Variants in C6orf132 observed in about 807,000 individuals in gnomAD.
The protein encoded by C6orf132 is uncharacterized protein C6orf132.
C6orf132 carries 43 observed loss-of-function variants against 65.3 expected under a neutral mutation model. The ratio of observed to expected loss-of-function variants is 0.66; its 90% CI spans 0.52 to 0.85. The LOEUF (loss-of-function observed/expected upper bound fraction) is 0.85, where lower values mean the gene tolerates loss of function less well. C6orf132 is among the 40% of genes least tolerant of loss of function. C6orf132 has a pLI of 0.00. For missense variants in C6orf132, 1,488 were observed against 1,548.8 expected (o/e 0.96, Z 0.66); for synonymous variants, 631 against 654.1 (o/e 0.96, Z 0.54).
At position 42,107,418 on chromosome 6, in the gene C6orf132, G is replaced by T; in HGVS notation, c.494C>A (p.Ser165Tyr). ...TGGTGGGGGTGCTGTGGAAGGTGGA[G>T]ATGGCAGTGGCGACCCCCCTGGAGG... ...SEPPGGSPLP[S>Y]PPSTAPPPPP... The change falls in exon 4 of 5, where the codon TCT becomes TAT. Residue 165 changes from serine to tyrosine, a missense_variant. Transcript: ENST00000341865. The T allele has an allele frequency of 6.7e-7, 1 of 1,497,928 alleles. No homozygotes were observed. Among genetic ancestry groups the T allele is most frequent in the Non-Finnish European group, 9.0e-7 (1 of 1,113,318 alleles). The allele number at this position is 1,497,928 out of a possible 1,614,324, so 92.8% of individuals were successfully genotyped here. A position where few individuals can be genotyped will look rare whatever the true frequency, so the allele number is the denominator to read the frequency against.
intron 1 of C6orf132, among the ~76,000 whole-genome samples, chr6:42,131,579 G>A (rs540991610): frequency 3.3e-5 from 5 of 152,308 alleles, no homozygotes; most frequent in African/African-American, 4.8e-5. Context: ...CACCATGTAC[G>A]GGGGTGAGGA....
rs554685618 is a variant in C6orf132, at chr6:42,138,149, T to A, written c.145+4151A>T. On this transcript the variant is annotated intron_variant, in intron 1 of 4. Coordinates refer to ENST00000341865, the MANE Select transcript of C6orf132 (RefSeq NM_001164446.3). Reference sequence around the variant, plus strand: ...AGGAATTTGAAATTAATTAAATTAATTTTTTTGGGTGGGGGAGGACAGGAT... The same window carrying A: ...AGGAATTTGAAATTAATTAAATTAAATTTTTTGGGTGGGGGAGGACAGGAT... Among the ~76,000 whole-genome samples the A allele has an allele frequency of 2.4e-4, 37 of 151,930 alleles. No homozygotes were observed. In the East Asian group the frequency reaches 7.4e-3, roughly 30 times the overall value.
intron 3 of C6orf132, among the ~76,000 whole-genome samples, chr6:42,108,450 G>A (rs1382229890): frequency 6.6e-6 from 1 of 152,164 alleles, no homozygotes; most frequent in African/African-American, 2.4e-5. Context: ...TGTGAGACAG[G>A]GAAGGTGGGA....
rs549244297 is a variant in C6orf132 at position 42,102,210 on chromosome 6, C to T, written c.*1551G>A. The T allele has an allele frequency of 6.7e-6, 1 of 148,330 alleles. No homozygotes were observed. Among genetic ancestry groups the T allele is most frequent in the Non-Finnish European group, 1.5e-5 (1 of 67,522 alleles). 9.2% of individuals were successfully genotyped at this position (148,330 alleles called of 1,614,324 possible). On this transcript the variant is annotated 3_prime_UTR_variant, in exon 5 of 5. Transcript: ENST00000341865. ...ACACGTGGTCACCCTACTGATAGGTCTCCCCTGCTCCTTTTTTTTTTTTTT... is the reference window on the plus strand; with the variant it reads ...ACACGTGGTCACCCTACTGATAGGTTTCCCCTGCTCCTTTTTTTTTTTTTT...
Position 42,104,312 on chromosome 6 carries a change from C to A in C6orf132, c.3449+151G>T, listed in dbSNP as rs930672918. 8.3e-7 allele frequency: 1 copy of A among 1,199,222 alleles called. No homozygotes were observed. Among genetic ancestry groups the A allele is most frequent in the Non-Finnish European group, 1.0e-6 (1 of 960,796 alleles). The allele number at this position is 1,199,222 out of a possible 1,614,324, so 74.3% of individuals were successfully genotyped here. A position where few individuals can be genotyped will look rare whatever the true frequency, so the allele number is the denominator to read the frequency against. ...CAGGAAGGCGCCAACAGCGCCCTCT[C>A]CCGGTAAGTGGGCCTCCCTCCCGCG... On this transcript the variant is annotated intron_variant, in intron 4 of 4. Transcript: ENST00000341865. This position sits in a 1 kb window ranked among gnomAD's most constrained non-coding sequence, Gnocchi z 4.1.
Position 42,124,389 on chromosome 6 carries a change from C to A in C6orf132, c.252+4283G>T, listed in dbSNP as rs1055636246. ...CTTGTCTCCTTCTCTCTAGCTCTGTCCCCTGGCAGGCTCCTGTAGGGCACT... is the reference window on the plus strand; with the variant it reads ...CTTGTCTCCTTCTCTCTAGCTCTGTACCCTGGCAGGCTCCTGTAGGGCACT... On this transcript the variant is annotated intron_variant, in intron 2 of 4. Transcript: ENST00000341865. The surrounding 1 kb of genome is among the most constrained non-coding windows in gnomAD (Gnocchi z 4.0). Among the ~76,000 whole-genome samples, 6 of 152,248 alleles carry A rather than the reference C, an allele frequency of 3.9e-5. No homozygotes were observed. Among genetic ancestry groups the A allele is most frequent in the Non-Finnish European group, 8.8e-5 (6 of 68,044 alleles).
intron 2 of C6orf132, among the ~76,000 whole-genome samples, chr6:42,128,229 G>T (rs1424945654): frequency 2.0e-5 from 3 of 152,074 alleles, no homozygotes; most frequent in African/African-American, 7.2e-5. Context: ...TGGCCACAAT[G>T]ACACTCTTTT....
Position 42,122,719 on chromosome 6 carries a change from G to T in C6orf132, c.252+5953C>A, listed in dbSNP as rs148528003. The stretch of plus-strand genomic sequence containing the variant: ...GCCTAGGCCTTGAGTTTAGAGAAAA[G>T]CTCCTGCAGCAGCGGGGTGGGTGGA... On this transcript the variant is annotated intron_variant, in intron 2 of 4. Coordinates refer to ENST00000341865, the MANE Select transcript of C6orf132 (RefSeq NM_001164446.3). Among the ~76,000 whole-genome samples, 316 of 152,280 alleles carry T rather than the reference G, an allele frequency of 2.1e-3. 1 individual carries two copies. The highest frequency in any genetic ancestry group is 3.6e-3 in the Non-Finnish European group (248 of 68,008).
At chr6:42,130,194 G>A (rs1225537404) in intron 1 of C6orf132, among the ~76,000 whole-genome samples, 1 of 152,202 alleles carries the variant, frequency 6.6e-6, no homozygotes, top group East Asian at 1.9e-4. Context: ...TGCTCCGCAC[G>A]TCCCTGGAAA....
chr6:42,142,218 C>T, intron 1 of C6orf132, 82 bp downstream of exon 1: 1 of 1,442,694 alleles, frequency 6.9e-7, no homozygotes, highest in East Asian at 2.5e-5. Flanking sequence ...CTCCCCTCCG[C>T]GCCTCCAGGA....
At position 42,116,283 on chromosome 6, in the gene C6orf132, A is replaced by G. The variant is rs142939862; in HGVS notation, c.253-5992T>C. On this transcript the variant is annotated intron_variant, in intron 2 of 4. Transcript: ENST00000341865. ...TTGCTTTTCACAACAGCCCAATGAG[A>G]CAGGTGCTGTCATTGCTACCGCCAT... 1.7e-3 allele frequency among the ~76,000 whole-genome samples: 252 copies of G among 152,256 alleles called. 1 individual carries two copies. Among genetic ancestry groups the G allele is most frequent in the African/African-American group, 5.6e-3 (234 of 41,554 alleles).
At chr6:42,142,149 G>C (rs754018174) in intron 1 of C6orf132, 151 bp downstream of exon 1, 13 of 828,224 alleles carry the variant, frequency 1.6e-5, no homozygotes, top group Non-Finnish European at 2.0e-5. Context: ...ACCCCTGTGC[G>C]GTGCCTCCTC....
At chr6:42,116,074 G>C (rs148930528) in intron 2 of C6orf132, among the ~76,000 whole-genome samples, 1,923 of 151,080 alleles carry the variant, frequency 0.013, 22 homozygotes, top group African/African-American at 0.021. Context: ...GGAGTACAGG[G>C]ACCTGCCACC....
intron 2 of C6orf132, among the ~76,000 whole-genome samples, chr6:42,123,210 T>C (rs539996559): frequency 7.2e-5 from 11 of 151,798 alleles, no homozygotes; most frequent in Non-Finnish European, 1.6e-4. Context: ...AGTGAAAACC[T>C]GTCTCTACTA....
chr6:42,115,561 G>A (rs1353740794), intron 2 of C6orf132, among the ~76,000 whole-genome samples: 1 of 149,476 alleles, frequency 6.7e-6, no homozygotes, highest in Admixed American at 6.7e-5. Context: ...CAGGAGAATG[G>A]CGTGAACCCG....
chr6:42,139,942 A>G (rs550972406), intron 1 of C6orf132, among the ~76,000 whole-genome samples: 7 of 152,288 alleles, frequency 4.6e-5, no homozygotes, highest in South Asian at 2.1e-4. Flanking sequence ...GCTTAGCCCT[A>G]TGTATTGACA....
rs1346618134 is a variant in C6orf132 at position 42,103,564 on chromosome 6, G to A, written c.*197C>T. ...GTAAACAGTCCACAGTCACACCAGC[G>A]CTTTGGGAAACAGAAGCCCACTCTC... On this transcript the variant is annotated 3_prime_UTR_variant, in exon 5 of 5. Transcript: ENST00000341865. 1.2e-5 allele frequency: 4 copies of A among 334,740 alleles called. No individual in the cohort carries two copies. Among genetic ancestry groups the A allele is most frequent in the Non-Finnish European group, 2.1e-5 (4 of 190,232 alleles). The allele number at this position is 334,740 out of a possible 1,614,324, so 20.7% of individuals were successfully genotyped here.
At chr6:42,120,448 G>A (rs969607137) in intron 2 of C6orf132, among the ~76,000 whole-genome samples, 7 of 151,278 alleles carry the variant, frequency 4.6e-5, no homozygotes, top group African/African-American at 1.5e-4. Context: ...GGGTTTCACC[G>A]TGTTAGCCAG....
At position 42,103,988 on chromosome 6, in the gene C6orf132, T is replaced by C. The variant is rs1165545482; in HGVS notation, c.3450-110A>G. ...AAGATGCTGCTCATACTTCTGTATT[T>C]GCCCCGACAAGCCCTGGGCTTATCG... On this transcript the variant is annotated intron_variant, in intron 4 of 4. Transcript: ENST00000341865. The C allele has an allele frequency of 4.7e-5, 36 of 766,092 alleles. No individual in the cohort carries two copies. The Admixed American group carries it at 1.5e-3, about 31-fold the overall frequency. 47.5% of individuals were successfully genotyped at this position (766,092 alleles called of 1,614,324 possible). A position where few individuals can be genotyped will look rare whatever the true frequency, so the allele number is the denominator to read the frequency against.
Sources: allele counts gnomAD v4.1 joint callset (sites outside exome capture counted in the v4.1 genomes callset), GRCh38; gene constraint gnomAD v4.1.1; non-coding constraint Gnocchi (gnomAD v3.1); transcripts MANE v1.5; gene names NCBI Gene and HGNC (gene_info 2026-07-23, HGNC 2026-07-21).